SLCO6A1: variants seen among roughly 807,000 people sequenced by gnomAD.
SLCO6A1 encodes solute carrier organic anion transporter family member 6A1, also known as cancer/testis antigen 48.
Under a neutral mutation model 72.7 loss-of-function variants are expected in SLCO6A1, and 65 were observed. The observed-to-expected ratio is 0.89, with a 90% CI of 0.73 to 1.10. The LOEUF is 1.10. Among genes scored for constraint, SLCO6A1 ranks in the 50% least tolerant of loss-of-function variants. The pLI is 0.00. For missense variants in SLCO6A1, 874 were observed against 872.6 expected (o/e 1.00, Z -0.02); for synonymous variants, 314 against 298.2 (o/e 1.05, Z -0.55).
intron 1 of SLCO6A1, among the ~76,000 whole-genome samples, chr5:102,497,574 G>T (rs139138818): frequency 3.3e-5 from 5 of 152,242 alleles, no homozygotes; most frequent in African/African-American, 1.2e-4. Flanking sequence ...CGTGCCAGCC[G>T]GTTAACCTGT....
At chr5:102,494,894 CTA>C (rs1363148215) in intron 1 of SLCO6A1, among the ~76,000 whole-genome samples, 1 of 152,156 alleles carries the variant, frequency 6.6e-6, no homozygotes, top group African/African-American at 2.4e-5. Context: ...TCCTAGTTAT[CTA>C]TCCAACAGAA....
chr5:102,396,504 A>G (rs918972235), intron 10 of SLCO6A1, among the ~76,000 whole-genome samples: 1 of 152,204 alleles, frequency 6.6e-6, no homozygotes, highest in African/African-American at 2.4e-5. Context: ...GTAGTTCCAC[A>G]GTTCTCCTGG....
At chr5:102,418,020 C>T (rs1297511850) in intron 8 of SLCO6A1, among the ~76,000 whole-genome samples, 2 of 151,068 alleles carry the variant, frequency 1.3e-5, no homozygotes, top group Non-Finnish European at 3.0e-5. Context: ...TTACTTTTTT[C>T]GTCTAAAATT....
At chr5:102,389,458 A>ACCC (rs1411471214) in intron 11 of SLCO6A1, among the ~76,000 whole-genome samples, 1 of 33,810 alleles carries the variant, frequency 3.0e-5, no homozygotes, top group Non-Finnish European at 5.7e-5. Flanking sequence ...CCCCACCCCC[A>ACCC]CACACACAGA....
At chr5:102,405,904 A>C (rs1416190910) in intron 9 of SLCO6A1, among the ~76,000 whole-genome samples, 1 of 152,100 alleles carries the variant, frequency 6.6e-6, no homozygotes, top group Non-Finnish European at 1.5e-5. Flanking sequence ...GGGAAAAGTA[A>C]AGGTACATAT....
chr5:102,452,617 C>T (rs1184532689), intron 6 of SLCO6A1, among the ~76,000 whole-genome samples: 2 of 152,126 alleles, frequency 1.3e-5, no homozygotes, highest in African/African-American at 4.8e-5. Context: ...CTGACATTTT[C>T]ATAAACTCTT....
intron 7 of SLCO6A1, among the ~76,000 whole-genome samples, chr5:102,423,257 A>G (rs1412020307): frequency 6.6e-6 from 1 of 152,222 alleles, no homozygotes; most frequent in Non-Finnish European, 1.5e-5. Flanking sequence ...TGACAGGATC[A>G]AATTCGCACA....
At chr5:102,489,853 T>C (rs1471996600) in intron 1 of SLCO6A1, among the ~76,000 whole-genome samples, 1 of 152,198 alleles carries the variant, frequency 6.6e-6, no homozygotes, top group Non-Finnish European at 1.5e-5. Context: ...TAAGTGTCCA[T>C]TGACAGATGA....
At chr5:102,392,994 G>T (rs532019867) in intron 10 of SLCO6A1, among the ~76,000 whole-genome samples, 13 of 152,148 alleles carry the variant, frequency 8.5e-5, no homozygotes, top group Non-Finnish European at 1.8e-4. Flanking sequence ...TTGGAAAAAG[G>T]CATTTTCAAA....
chr5:102,417,980 A>T (rs1426755547), intron 8 of SLCO6A1, among the ~76,000 whole-genome samples: 1 of 140,470 alleles, frequency 7.1e-6, no homozygotes, highest in Non-Finnish European at 1.5e-5. Flanking sequence ...GGGTGACAAG[A>T]GCGAAACTCC....
chr5:102,394,055 C>T (rs1404288932), intron 10 of SLCO6A1, among the ~76,000 whole-genome samples: 8 of 152,142 alleles, frequency 5.3e-5, no homozygotes, highest in Non-Finnish European at 1.2e-4. Flanking sequence ...TAGCGTGCAT[C>T]AAGAATTTGG....
At chr5:102,375,576 A>G (rs1901514) in intron 12 of SLCO6A1, among the ~76,000 whole-genome samples, 38,534 of 152,070 alleles carry the variant, frequency 0.25, 5,608 homozygotes, top group Middle Eastern at 0.32. Flanking sequence ...AAAAACTCAG[A>G]GAGTTTCTAG....
At chr5:102,489,316 C>T (rs1752572947) in intron 1 of SLCO6A1, among the ~76,000 whole-genome samples, 1 of 152,128 alleles carries the variant, frequency 6.6e-6, no homozygotes, top group African/African-American at 2.4e-5. Context: ...CAGTGGAAAA[C>T]TCTAAAACAG....
At chr5:102,451,656 C>T (rs1245001848) in intron 6 of SLCO6A1, among the ~76,000 whole-genome samples, 1 of 152,176 alleles carries the variant, frequency 6.6e-6, no homozygotes, top group Admixed American at 6.5e-5. Flanking sequence ...CACTCACTTG[C>T]TGTTTCCCCT....
In SLCO6A1 at chr5:102,399,676, C is replaced by G; in HGVS notation, c.1693G>C (p.Asp565His). Residue 565 changes from aspartate to histidine, a missense_variant, in exon 10 of 14, where the codon GAT (aspartate) becomes CAT (histidine). By Grantham distance (81) the Asp-to-His change is moderately conservative (BLOSUM62 -1). Transcript: ENST00000506729. ...GCATCACATTTCCCGGGTCTGGCAT[C>G]AATAAAATCACCTTCTGCATCTGCA... Reference protein sequence around the residue: ...ITADAEGDFIDARPGKCDAKC... With the variant: ...ITADAEGDFIHARPGKCDAKC... 1 of 1,609,156 alleles carries G rather than the reference C, an allele frequency of 6.2e-7. No individual in the cohort carries two copies. The highest frequency in any genetic ancestry group is 8.5e-7 in the Non-Finnish European group (1 of 1,176,790).
chr5:102,484,781 GATT>G (rs1752368469), intron 1 of SLCO6A1, among the ~76,000 whole-genome samples: 1 of 152,020 alleles, frequency 6.6e-6, no homozygotes, highest in Non-Finnish European at 1.5e-5. Flanking sequence ...TTAAAAATAA[GATT>G]ATTAATAAAC....
intron 3 of SLCO6A1, 125 bp downstream of exon 3, chr5:102,477,551 C>A: frequency 1.4e-6 from 1 of 708,862 alleles, no homozygotes; most frequent in South Asian, 2.8e-5. Context: ...TTTAGCATAC[C>A]AATTATCATT....
chr5:102,375,572 T>C (rs891171696), intron 12 of SLCO6A1, among the ~76,000 whole-genome samples: 1 of 152,072 alleles, frequency 6.6e-6, no homozygotes, highest in Admixed American at 6.6e-5. Flanking sequence ...CAATAAAAAC[T>C]CAGAGAGTTT....
chr5:102,405,474 A>G (rs1274408078), intron 9 of SLCO6A1, among the ~76,000 whole-genome samples: 1 of 152,078 alleles, frequency 6.6e-6, no homozygotes, highest in Non-Finnish European at 1.5e-5. Context: ...TATTTGAATC[A>G]CCATACATAT....
Sources: allele counts gnomAD v4.1 joint callset (sites outside exome capture counted in the v4.1 genomes callset), GRCh38; gene constraint gnomAD v4.1.1; transcripts MANE v1.5; gene names NCBI Gene and HGNC (gene_info 2026-07-23, HGNC 2026-07-21).